The following ANKRD16 variants were observed in gnomAD, a reference collection of about 807,000 sequenced individuals.
The protein encoded by ANKRD16 is ankyrin repeat domain-containing protein 16.
In ANKRD16, 35 loss-of-function variants were observed where a neutral mutation model predicts 37.9. The ratio of observed to expected loss-of-function variants is 0.92; its 90% CI spans 0.71 to 1.23. The LOEUF is 1.23. Among genes scored for constraint, ANKRD16 ranks in the 50% most tolerant of loss-of-function variants. ANKRD16 has a pLI of 0.00. For synonymous variants in ANKRD16, 206 were observed against 197.2 expected (o/e 1.04, Z -0.37); for missense variants, 480 against 469.9 (o/e 1.02, Z -0.20).
intron 7 of ANKRD16, among the ~76,000 whole-genome samples, chr10:5,872,606 G>C (rs1381947959): frequency 6.6e-6 from 1 of 152,074 alleles, no homozygotes; most frequent in Non-Finnish European, 1.5e-5. Context: ...GCCCAGGCTG[G>C]AGTGCAGTGG....
At chr10:5,883,721 A>C (rs1434049626) in intron 4 of ANKRD16, among the ~76,000 whole-genome samples, 1 of 152,222 alleles carries the variant, frequency 6.6e-6, no homozygotes. Context: ...CATTTACTGA[A>C]TATTTTGCTA....
Position 5,861,935 on chromosome 10 carries a change from TC to T in ANKRD16, c.*789del, listed in dbSNP as rs1787154021. 6.9e-6 allele frequency: 1 copy of T among 145,484 alleles called. No homozygotes were observed. The highest frequency in any genetic ancestry group is 2.6e-5 in the African/African-American group (1 of 38,132). The allele number at this position is 145,484 out of a possible 1,614,324, so 9.0% of individuals were successfully genotyped here. A position where few individuals can be genotyped will look rare whatever the true frequency, so the allele number is the denominator to read the frequency against. On this transcript the variant is annotated 3_prime_UTR_variant, in exon 8 of 8. Coordinates refer to ENST00000380094, the MANE Select transcript of ANKRD16 (RefSeq NM_019046.3). ...TTTTTTTTTGGAGACGGAGTCTTGC[TC>T]TGTTGCCCAGGCTGGAGTGCAGTGG...
intron 7 of ANKRD16, among the ~76,000 whole-genome samples, chr10:5,867,894 G>A (rs1270808206): frequency 6.6e-6 from 1 of 152,186 alleles, no homozygotes; most frequent in African/African-American, 2.4e-5. Context: ...AACTGCCGAG[G>A]CTTGGACCTC....
At chr10:5,877,431 A>T (rs1480837817) in intron 7 of ANKRD16, among the ~76,000 whole-genome samples, 1 of 152,228 alleles carries the variant, frequency 6.6e-6, no homozygotes, top group Non-Finnish European at 1.5e-5. Flanking sequence ...CATTTTTTAC[A>T]TGTATTTATT....
At chr10:5,875,708 A>C (rs1452844278) in intron 7 of ANKRD16, among the ~76,000 whole-genome samples, 1 of 126,178 alleles carries the variant, frequency 7.9e-6, no homozygotes, top group Non-Finnish European at 1.6e-5. Context: ...GCTGCAATTA[A>C]TGTTCTTTTT....
At chr10:5,873,178 TG>T (rs1445326915) in intron 7 of ANKRD16, among the ~76,000 whole-genome samples, 2 of 152,096 alleles carry the variant, frequency 1.3e-5, no homozygotes, top group Non-Finnish European at 2.9e-5. Flanking sequence ...TACAGTCGCA[TG>T]CCACCATGCC....
At chr10:5,881,845 G>C (rs573127685) in intron 5 of ANKRD16, among the ~76,000 whole-genome samples, 1 of 151,784 alleles carries the variant, frequency 6.6e-6, no homozygotes, top group African/African-American at 2.4e-5. Context: ...CTGCCACCAT[G>C]CCCGGCTAAT....
chr10:5,873,006 TGC>T lies in ANKRD16; in HGVS notation c.*33+5089_*33+5090del, dbSNP rs200809903. Among the ~76,000 whole-genome samples, 696 of 144,716 alleles carry T rather than the reference TGC, an allele frequency of 4.8e-3. 3 individuals are homozygous for T. The highest frequency in any genetic ancestry group is 0.015 in the African/African-American group (590 of 38,848). The allele number at this position is 144,716 out of a possible 152,430, so 94.9% of individuals were successfully genotyped here. On this transcript the variant is annotated intron_variant, in intron 7 of 7. Transcript: ENST00000380094. ...TTCCAAGCAGCTGGGACTACAGGTG[TGC>T]CCCACCACACCTGGCTAATCTTTTT...
intron 2 of ANKRD16, among the ~76,000 whole-genome samples, chr10:5,887,591 C>T (rs973791198): frequency 6.6e-6 from 1 of 152,176 alleles, no homozygotes; most frequent in Non-Finnish European, 1.5e-5. Context: ...ACCATGTTGG[C>T]CAGGCTGGTC....
rs1413900548 is a variant in ANKRD16, at chr10:5,862,504, C to T, written c.*221G>A. The T allele has an allele frequency of 1.1e-6, 1 of 873,382 alleles. No homozygotes were observed. The highest frequency in any genetic ancestry group is 1.6e-6 in the Non-Finnish European group (1 of 618,350). 54.1% of individuals were successfully genotyped at this position (873,382 alleles called of 1,614,324 possible). ...TTTGGAGACAGACCCAGGGAGCTGA[C>T]CTTGGGGGCCAGTGCAGATGTGGCA... is the stretch of plus-strand genomic sequence containing the variant. On this transcript the variant is annotated 3_prime_UTR_variant, in exon 8 of 8. Coordinates refer to ENST00000380094, the MANE Select transcript of ANKRD16 (RefSeq NM_019046.3). This position sits in a 1 kb window ranked among gnomAD's most constrained non-coding sequence, Gnocchi z 6.5.
At chr10:5,867,854 A>G (rs958000033) in intron 7 of ANKRD16, among the ~76,000 whole-genome samples, 4 of 152,216 alleles carry the variant, frequency 2.6e-5, no homozygotes, top group Non-Finnish European at 5.9e-5. Context: ...ACGATCCCAA[A>G]TAGACTCTTT....
rs868201763 is a variant in ANKRD16 at position 5,868,933 on chromosome 10, G to A, written c.*34-6242C>T. Among the ~76,000 whole-genome samples, 15 of 152,278 alleles carry A rather than the reference G, an allele frequency of 9.9e-5. No individual in the cohort carries two copies. Among genetic ancestry groups the A allele is most frequent in the African/African-American group, 7.2e-5 (3 of 41,554 alleles). On this transcript the variant is annotated intron_variant, in intron 7 of 7. Coordinates refer to ENST00000380094, the MANE Select transcript of ANKRD16 (RefSeq NM_019046.3). The surrounding 1 kb of genome is among the most constrained non-coding windows in gnomAD (Gnocchi z 4.9). ...AACCCACCAGAAGGAATAAATTCTG[G>A]ACACAATACCACAAAAAGACAAAGA...
intron 1 of ANKRD16, among the ~76,000 whole-genome samples, 153 bp from the exon 2 acceptor site, chr10:5,888,220 C>G (rs555175398): frequency 3.2e-4 from 49 of 152,312 alleles, no homozygotes; most frequent in African/African-American, 1.1e-3. Flanking sequence ...GACCGGCAAC[C>G]TCTGTGCCTT....
In ANKRD16 at chr10:5,863,742, T is replaced by C. The variant is rs1356720501; in HGVS notation, c.*34-1051A>G. 2.0e-5 allele frequency among the ~76,000 whole-genome samples: 3 copies of C among 152,154 alleles called. No individual in the cohort carries two copies. The highest frequency in any genetic ancestry group is 7.2e-5 in the African/African-American group (3 of 41,402). ...CTCACCGTGAGGGTCTGCGGCTTCA[T>C]TCCTGAAGTCAGCAAGACCACAAAC... On this transcript the variant is annotated intron_variant, in intron 7 of 7. Coordinates refer to ENST00000380094, the MANE Select transcript of ANKRD16 (RefSeq NM_019046.3). The surrounding 1 kb of genome is among the most constrained non-coding windows in gnomAD (Gnocchi z 4.7).
rs1168645741 is a variant in ANKRD16 at position 5,871,586 on chromosome 10, C to T, written c.*33+6511G>A. 6.6e-6 allele frequency among the ~76,000 whole-genome samples: 1 copy of T among 152,182 alleles called. No homozygotes were observed. The highest frequency in any genetic ancestry group is 1.9e-4 in the East Asian group (1 of 5,196). Reference sequence around the variant, plus strand: ...TAGATACTGGCATTGAATGAGGCGCCCACGTGGGCTCTGCCCTGAACTTTT... The same window carrying T: ...TAGATACTGGCATTGAATGAGGCGCTCACGTGGGCTCTGCCCTGAACTTTT... On this transcript the variant is annotated intron_variant, in intron 7 of 7. Transcript: ENST00000380094. The surrounding 1 kb of genome is among the most constrained non-coding windows in gnomAD (Gnocchi z 4.5).
In ANKRD16 at chr10:5,889,142, G is replaced by C. The variant is rs772120860; in HGVS notation, c.213C>G (p.Tyr71Ter). Residue 71 changes from tyrosine to a stop codon, truncating the protein, a stop_gained, in exon 1 of 8, where the codon TAC becomes TAG. Transcript: ENST00000380094. LOFTEE classifies it high-confidence loss of function. ...AGGCCGCCTCGTGCAGAGGCCGCTT[G>C]TAGTCTCGGTTGGTGGCCTCGATGT... ...GMDIEATNRD[Y>*]KRPLHEAASM... is the part of the protein sequence containing the mutation. The C allele has an allele frequency of 1.3e-6, 2 of 1,598,508 alleles. No individual in the cohort carries two copies. The highest frequency in any genetic ancestry group is 1.7e-6 in the Non-Finnish European group (2 of 1,179,378).
At position 5,862,605 on chromosome 10, in the gene ANKRD16, T is replaced by C; in HGVS notation, c.*120A>G. 1 of 1,289,014 alleles carries C rather than the reference T, an allele frequency of 7.8e-7. No individual in the cohort carries two copies. The highest frequency in any genetic ancestry group is 1.2e-5 in the South Asian group (1 of 80,988). 79.8% of individuals were successfully genotyped at this position (1,289,014 alleles called of 1,614,324 possible). On this transcript the variant is annotated 3_prime_UTR_variant, in exon 8 of 8. Transcript: ENST00000380094. This position sits in a 1 kb window ranked among gnomAD's most constrained non-coding sequence, Gnocchi z 6.5. ...GTCAAACGTAGGTGGCTGCGGTTGG[T>C]TGAACTCAGGTTCAGGATGACTGAA...
In ANKRD16 at chr10:5,889,578, C is replaced by A. The variant is rs977830709; in HGVS notation, c.-224G>T. ...GCAGGCGGGCTGCCCCCTCACAGCC[C>A]CGGCCTGCCCCGCGTGGGAGAAGCC... On this transcript the variant is annotated 5_prime_UTR_variant, in exon 1 of 8. Coordinates refer to ENST00000380094, the MANE Select transcript of ANKRD16 (RefSeq NM_019046.3). The A allele has an allele frequency of 8.2e-6, 2 of 244,408 alleles. No individual in the cohort carries two copies. Among genetic ancestry groups the A allele is most frequent in the Admixed American group, 5.6e-5 (1 of 17,770 alleles). 15.1% of individuals were successfully genotyped at this position (244,408 alleles called of 1,614,324 possible).
Position 5,878,172 on chromosome 10 carries a change from T to C in ANKRD16, c.1044A>G (p.Arg348=), listed in dbSNP as rs1217495258. 1 of 1,614,162 alleles carries C rather than the reference T, an allele frequency of 6.2e-7. No homozygotes were observed. The highest frequency in any genetic ancestry group is 8.5e-7 in the Non-Finnish European group (1 of 1,180,012). ...TGTLAQQLPR[R]ADVLQGSGHS... ...GGCCAGAGCCCTGAAGGACATCTGCTCTCCTTGGGAGCTGCTGAGCCAGGG... is the reference window on the plus strand; with the variant it reads ...GGCCAGAGCCCTGAAGGACATCTGCCCTCCTTGGGAGCTGCTGAGCCAGGG... Residue 348 remains arginine (R), a synonymous_variant, in exon 7 of 8, where the codon AGA becomes AGG. Coordinates refer to ENST00000380094, the MANE Select transcript of ANKRD16 (RefSeq NM_019046.3). This position sits in a 1 kb window ranked among gnomAD's most constrained non-coding sequence, Gnocchi z 5.1.
Sources: allele counts gnomAD v4.1 joint callset (sites outside exome capture counted in the v4.1 genomes callset), GRCh38; gene constraint gnomAD v4.1.1; non-coding constraint Gnocchi (gnomAD v3.1); transcripts MANE v1.5; gene names NCBI Gene and HGNC (gene_info 2026-07-23, HGNC 2026-07-21).